The following TUSC3 variants were observed in gnomAD, a reference collection of about 807,000 sequenced individuals.
The protein encoded by TUSC3 is dolichyl-diphosphooligosaccharide--protein glycosyltransferase subunit TUSC3.
A neutral mutation model predicts 44.8 loss-of-function variants in TUSC3; 45 were observed. The observed-to-expected ratio is 1.00, with a 90% CI of 0.79 to 1.29. TUSC3 has a LOEUF of 1.29. TUSC3 is among the 50% of genes most tolerant of loss of function. The pLI is 0.00. For synonymous variants in TUSC3, 212 were observed against 152.9 expected (o/e 1.39, Z -2.85); for missense variants, 519 against 437.9 (o/e 1.19, Z -1.65).
chr8:15,461,852 A>G (rs762437833), intron 1 of TUSC3, among the ~76,000 whole-genome samples: 1 of 152,064 alleles, frequency 6.6e-6, no homozygotes, highest in Non-Finnish European at 1.5e-5. Context: ...ACATTAAAAT[A>G]ATATACAATT....
In TUSC3 at chr8:15,757,816, G is replaced by A. The variant is rs1241504157; in HGVS notation, c.*7G>A. 1.4e-6 allele frequency: 2 copies of A among 1,412,042 alleles called. No homozygotes were observed. Among genetic ancestry groups the A allele is most frequent in the South Asian group, 2.3e-5 (2 of 86,864 alleles). The allele number at this position is 1,412,042 out of a possible 1,614,324, so 87.5% of individuals were successfully genotyped here. A position where few individuals can be genotyped will look rare whatever the true frequency, so the allele number is the denominator to read the frequency against. ...TGATCTGGACTTTGAGTGAGAAGAT[G>A]TGATTTGGACCATGGCACTTAAAAA... On this transcript the variant is annotated 3_prime_UTR_variant, in exon 10 of 11. Transcript: ENST00000503731.
chr8:15,835,733 G>A, the TUSC3 span, among the ~76,000 whole-genome samples: 2 of 152,120 alleles, frequency 1.3e-5, no homozygotes, highest in Non-Finnish European at 2.9e-5. Flanking sequence ...CAGTGTGTAT[G>A]GGGGATGTAT....
At chr8:15,510,366 A>G (rs1385619724) in intron 2 of TUSC3, among the ~76,000 whole-genome samples, 4 of 152,160 alleles carry the variant, frequency 2.6e-5, no homozygotes, top group Admixed American at 2.6e-4. Flanking sequence ...GATCAGGGAA[A>G]GAAGAGAGGG....
the TUSC3 span, among the ~76,000 whole-genome samples, chr8:15,787,425 G>C: frequency 6.6e-6 from 1 of 152,086 alleles, no homozygotes; most frequent in African/African-American, 2.4e-5. Context: ...CCCGTCAACA[G>C]ATTATATATT....
the TUSC3 span, among the ~76,000 whole-genome samples, chr8:15,798,717 C>T: frequency 1.3e-5 from 2 of 152,060 alleles, no homozygotes; most frequent in South Asian, 2.1e-4. Context: ...GCTTTCCAGC[C>T]GGGACCACTA....
intron 1 of TUSC3, among the ~76,000 whole-genome samples, chr8:15,478,453 A>T (rs556757258): frequency 1.3e-5 from 2 of 152,014 alleles, no homozygotes; most frequent in African/African-American, 2.4e-5. Flanking sequence ...AGAGGCCCCA[A>T]TGTGTGTTGT....
At chr8:15,820,484 T>A in the TUSC3 span, among the ~76,000 whole-genome samples, 4 of 152,078 alleles carry the variant, frequency 2.6e-5, no homozygotes. Context: ...CACGCCCAGC[T>A]AATTTTTGTA....
intron 1 of TUSC3, among the ~76,000 whole-genome samples, chr8:15,441,045 T>G (rs1006625390): frequency 1.3e-5 from 2 of 152,210 alleles, no homozygotes; most frequent in Non-Finnish European, 2.9e-5. Flanking sequence ...TTAAGCTAAT[T>G]TAAGTTTGGT....
chr8:15,515,669 T>A (rs1413745665), intron 2 of TUSC3, among the ~76,000 whole-genome samples: 1 of 152,032 alleles, frequency 6.6e-6, no homozygotes, highest in Non-Finnish European at 1.5e-5. Context: ...TATATGTATG[T>A]ATATACATAT....
chr8:15,572,671 G>C (rs1303797378), intron 1 of TUSC3, among the ~76,000 whole-genome samples: 1 of 152,098 alleles, frequency 6.6e-6, no homozygotes, highest in Non-Finnish European at 1.5e-5. Context: ...TTGATTTAAA[G>C]TGAGAGACAT....
intron 1 of TUSC3, among the ~76,000 whole-genome samples, chr8:15,568,157 G>A (rs141572221): frequency 9.2e-5 from 14 of 152,236 alleles, no homozygotes; most frequent in African/African-American, 3.4e-4. Context: ...TCATTGGCCT[G>A]TGAAATTGGA....
chr8:15,635,531 A>G (rs1437180771), intron 2 of TUSC3, among the ~76,000 whole-genome samples: 1 of 152,194 alleles, frequency 6.6e-6, no homozygotes, highest in Non-Finnish European at 1.5e-5. Flanking sequence ...ATAATGACAT[A>G]TTTTAATTTA....
the TUSC3 span, among the ~76,000 whole-genome samples, chr8:15,839,696 A>G: frequency 1.3e-5 from 2 of 152,234 alleles, no homozygotes; most frequent in Admixed American, 6.5e-5. Context: ...CACACCAGTT[A>G]GAATGGTGAT....
At chr8:15,656,432 C>T (rs887586998) in intron 3 of TUSC3, among the ~76,000 whole-genome samples, 2 of 151,948 alleles carry the variant, frequency 1.3e-5, no homozygotes, top group Non-Finnish European at 2.9e-5. Context: ...GAGAAATAGG[C>T]AAGAAAAGAA....
intron 1 of TUSC3, among the ~76,000 whole-genome samples, chr8:15,551,830 T>G (rs1385492868): frequency 6.6e-6 from 1 of 151,788 alleles, no homozygotes; most frequent in Non-Finnish European, 1.5e-5. Flanking sequence ...TCTGTATCCC[T>G]TTTCCTTCAA....
intron 1 of TUSC3, among the ~76,000 whole-genome samples, chr8:15,470,461 A>G (rs1374558732): frequency 6.6e-6 from 1 of 152,154 alleles, no homozygotes; most frequent in Non-Finnish European, 1.5e-5. Context: ...GTTGATAATG[A>G]CATGTCAATG....
At chr8:15,497,718 C>G (rs184282587) in intron 2 of TUSC3, among the ~76,000 whole-genome samples, 109 of 149,324 alleles carry the variant, frequency 7.3e-4, no homozygotes, top group African/African-American at 2.5e-3. Flanking sequence ...TTTTTTCTTT[C>G]TTTTTCTTTG....
At chr8:15,584,815 C>G (rs766930565) in intron 1 of TUSC3, among the ~76,000 whole-genome samples, 15 of 151,992 alleles carry the variant, frequency 9.9e-5, no homozygotes, top group Non-Finnish European at 2.1e-4. Flanking sequence ...ATAGTGGGAT[C>G]TTTTATATGT....
chr8:15,784,222 G>C, the TUSC3 span, among the ~76,000 whole-genome samples: 1 of 152,052 alleles, frequency 6.6e-6, no homozygotes, highest in African/African-American at 2.4e-5. Flanking sequence ...GTGGAGAAAA[G>C]GGAACTCTTG....
Sources: allele counts gnomAD v4.1 joint callset (sites outside exome capture counted in the v4.1 genomes callset), GRCh38; gene constraint gnomAD v4.1.1; transcripts MANE v1.5; gene names NCBI Gene and HGNC (gene_info 2026-07-23, HGNC 2026-07-21).